Variants in MED14 observed in about 807,000 individuals in gnomAD.
MED14 encodes the protein mediator complex subunit 14.
In MED14, 8 loss-of-function variants were observed where a neutral mutation model predicts 109.0. The ratio of observed to expected loss-of-function variants is 0.07; its 90% confidence interval spans 0.04 to 0.13. MED14 has a LOEUF of 0.13. MED14 is among the 10% of genes least tolerant of loss of function. The pLI is 1.00. For synonymous variants in MED14, 399 were observed against 408.7 expected, an observed-to-expected ratio of 0.98 and a Z score of 0.29; for missense variants, 711 against 1,142.4, an observed-to-expected ratio of 0.62 and a Z score of 5.44.
At chrX:40,677,785 A>C (rs1210038439) in intron 21 of MED14, among the ~76,000 whole-genome samples, 2 of 111,824 alleles carry the variant, frequency 1.8e-5, no homozygotes, top group Non-Finnish European at 3.8e-5. Flanking sequence ...TGAACCAAGA[A>C]ATAGTGCAAG....
At chrX:40,729,633 A>G (rs1358229380) in intron 1 of MED14, 4 of 279,780 alleles carry the variant, frequency 1.4e-5, no homozygotes, top group African/African-American at 5.5e-5. Context: ...TTAGCACACT[A>G]TATCATAGGG....
chrX:40,692,127 C>G, intron 15 of MED14, 56 bp downstream of exon 15: 3 of 1,115,462 alleles, frequency 2.7e-6, no homozygotes, highest in Admixed American at 4.8e-5. Flanking sequence ...CTCAGCAACA[C>G]ATTTTAAAAA....
upstream of MED14, chrX:40,735,582 C>A: frequency 3.7e-6 from 2 of 535,572 alleles, no homozygotes; most frequent in Non-Finnish European, 6.5e-6. Context: ...CCCCATGTAG[C>A]GAGAAGTCCG....
At chrX:40,701,393 T>C (rs748506555) in intron 11 of MED14, 150 bp from the exon 12 acceptor site, 36 of 400,394 alleles carry the variant, frequency 9.0e-5, no homozygotes, top group Admixed American at 7.1e-4. Context: ...AAACTAAATG[T>C]ACCATTAGAT....
chrX:40,696,723 A>G (rs1044484765), intron 13 of MED14, among the ~76,000 whole-genome samples: 1 of 111,847 alleles, frequency 8.9e-6, no homozygotes, highest in Non-Finnish European at 1.9e-5. Flanking sequence ...TCTGACATCA[A>G]AACATCGCCA....
chrX:40,662,906 G>A lies in MED14; in HGVS notation c.3684+19C>T. ...TACCCTTAACAATCACCACTTAGAA[G>A]GTCATTAGGTACCCATACCGTTTCT... On this transcript the variant is annotated intron_variant, in intron 26 of 30. Coordinates refer to ENST00000324817, the MANE Select transcript of MED14 (RefSeq NM_004229.4). 8.7e-7 allele frequency: 1 copy of A among 1,146,705 alleles called. No individual in the cohort carries two copies. Among genetic ancestry groups the A allele is most frequent in the Non-Finnish European group, 1.2e-6 (1 of 839,841 alleles). The allele number at this position is 1,146,705 out of a possible 1,213,427, so 94.5% of individuals were successfully genotyped here. A position where few individuals can be genotyped will look rare whatever the true frequency, so the allele number is the denominator to read the frequency against.
rs1024847841 is a variant in MED14, at chrX:40,654,980, A to C, written c.4053T>G (p.Pro1351=). 2 of 1,209,229 alleles carry C rather than the reference A, an allele frequency of 1.7e-6. No individual in the cohort carries two copies. Among genetic ancestry groups the C allele is most frequent in the African/African-American group, 3.5e-5 (2 of 57,153 alleles). ...TCAGCACCACAGCAGGCGTCCCAGGAGGTGCAATCGGCGGCGCGCTGGGAG... is the reference window on the plus strand; with the variant it reads ...TCAGCACCACAGCAGGCGTCCCAGGCGGTGCAATCGGCGGCGCGCTGGGAG... ...TIPPSAPPIA[P]PGTPAVVLKS... is the part of the protein sequence containing the mutation. Residue 1351 remains proline, a synonymous_variant, in exon 29 of 31, where the codon CCT becomes CCG. Coordinates refer to ENST00000324817, the MANE Select transcript of MED14 (RefSeq NM_004229.4).
chrX:40,661,270 T>C (rs994358260), intron 26 of MED14, among the ~76,000 whole-genome samples: 5 of 112,056 alleles, frequency 4.5e-5, no homozygotes, highest in African/African-American at 1.6e-4. Flanking sequence ...CCAGTAGAGA[T>C]GGGGTTTCAC....
intron 12 of MED14, among the ~76,000 whole-genome samples, chrX:40,697,950 T>C (rs989329208): frequency 1.8e-5 from 2 of 111,899 alleles, no homozygotes; most frequent in African/African-American, 6.5e-5. Context: ...TTATAATATA[T>C]GACATTTTAA....
Position 40,688,582 on chromosome X carries a change from A to G in MED14, c.1981-52T>C, listed in dbSNP as rs750825181. 3 of 861,881 alleles carry G rather than the reference A, an allele frequency of 3.5e-6. No individual in the cohort carries two copies. In the African/African-American group the frequency reaches 5.9e-5, roughly 17 times the overall value. 71.0% of individuals were successfully genotyped at this position (861,881 alleles called of 1,213,427 possible). A position where few individuals can be genotyped will look rare whatever the true frequency, so the allele number is the denominator to read the frequency against. On this transcript the variant is annotated intron_variant, in intron 15 of 30. Transcript: ENST00000324817. ...GACGACCAATTTTACAAAAACAACTACCATTTCTAAGTACTACGGTCTCTA... is the reference window on the plus strand; with the variant it reads ...GACGACCAATTTTACAAAAACAACTGCCATTTCTAAGTACTACGGTCTCTA...
intron 5 of MED14, 80 bp from the exon 6 acceptor site, chrX:40,713,122 G>C: frequency 1.0e-6 from 1 of 966,185 alleles, no homozygotes; most frequent in South Asian, 3.4e-5. Context: ...AGAATTTTCA[G>C]TCTTACTTAT....
intron 14 of MED14, 46 bp from the exon 15 acceptor site, chrX:40,692,363 A>T (rs1826239327): frequency 1.2e-5 from 10 of 818,269 alleles, no homozygotes; most frequent in Non-Finnish European, 1.7e-5. Context: ...AAAAAAAAAA[A>T]GTACATGTGA....
At position 40,651,174 on chromosome X, in the gene MED14, T is replaced by C; in HGVS notation, c.*632A>G. 1 of 751,951 alleles carries C rather than the reference T, an allele frequency of 1.3e-6. No individual in the cohort carries two copies. Among genetic ancestry groups the C allele is most frequent in the Admixed American group, 8.6e-5 (1 of 11,672 alleles). 62.0% of individuals were successfully genotyped at this position (751,951 alleles called of 1,213,427 possible). On this transcript the variant is annotated 3_prime_UTR_variant, in exon 31 of 31. Transcript: ENST00000324817. ...TTGGTCAAATTTCAGACATGTATTA[T>C]TATAAATTAATAACTGGCTCCATCC... is the stretch of plus-strand genomic sequence containing the variant.
chrX:40,728,471 G>C (rs1931965632), intron 2 of MED14, among the ~76,000 whole-genome samples: 1 of 110,445 alleles, frequency 9.1e-6, no homozygotes, highest in Admixed American at 9.6e-5. Flanking sequence ...AAAAAGTTAA[G>C]TTGGGGTTGG....
At chrX:40,666,073 A>G (rs1929467509) in intron 24 of MED14, among the ~76,000 whole-genome samples, 1 of 112,068 alleles carries the variant, frequency 8.9e-6, no homozygotes, top group Non-Finnish European at 1.9e-5. Flanking sequence ...GTTCTATGGT[A>G]TCATACTCAT....
intron 24 of MED14, 77 bp downstream of exon 24, chrX:40,666,643 A>G: frequency 9.6e-7 from 1 of 1,042,109 alleles, no homozygotes; most frequent in South Asian, 2.1e-5. Flanking sequence ...TTAATTTTGC[A>G]ATGAAAAAAT....
At chrX:40,711,363 A>G (rs1931330996) in intron 7 of MED14, 62 bp from the exon 8 acceptor site, 2 of 936,298 alleles carry the variant, frequency 2.1e-6, no homozygotes, top group Admixed American at 6.4e-5. Flanking sequence ...GTCCAGGAGA[A>G]CTTCATTTAA....
At position 40,735,358 on chromosome X, in the gene MED14, C is replaced by T; in HGVS notation, c.55G>A (p.Gly19Arg). 2.8e-6 allele frequency: 3 copies of T among 1,064,449 alleles called. No individual in the cohort carries two copies. Among genetic ancestry groups the T allele is most frequent in the Middle Eastern group, 3.4e-4 (1 of 2,931 alleles). The allele number at this position is 1,064,449 out of a possible 1,213,427, so 87.7% of individuals were successfully genotyped here. Residue 19 changes from glycine (G) to arginine (R), a missense_variant, in exon 1 of 31, where the codon GGG becomes AGG. By Grantham distance (125) the Gly-to-Arg change is moderately radical. Around this residue, in one of 8 missense-constraint regions of MED14, gnomAD observed 62 missense variants for 55.2 expected, o/e 1.12. Coordinates refer to ENST00000324817, the MANE Select transcript of MED14 (RefSeq NM_004229.4). Reference protein sequence around the residue: ...HQLVPPGGGGGGSGGPPSAPA... With the variant: ...HQLVPPGGGGRGSGGPPSAPA... ...GCTGACGGGGGTCCGCCGCTGCCCCCGCCGCCGCCTCCGGGCGGGACCAGC... is the reference window on the plus strand; with the variant it reads ...GCTGACGGGGGTCCGCCGCTGCCCCTGCCGCCGCCTCCGGGCGGGACCAGC...
chrX:40,665,383 G>T (rs1324215012), intron 24 of MED14, among the ~76,000 whole-genome samples: 1 of 110,916 alleles, frequency 9.0e-6, no homozygotes, highest in Non-Finnish European at 1.9e-5. Flanking sequence ...AAACTAGCCA[G>T]GCGTGGTTGT....
Sources: gnomAD v4.1 joint callset for allele counts (sites outside exome capture counted in the v4.1 genomes callset) on GRCh38, gnomAD v4.1.1 for gene constraint, gnomAD v4.1.1 regional missense constraint, MANE v1.5 for transcripts, NCBI Gene and HGNC (gene_info 2026-07-23, HGNC 2026-07-21) for gene names.